LRP2: variants seen among roughly 807,000 people sequenced by gnomAD.
The protein encoded by LRP2 is LDL receptor related protein 2.
A neutral mutation model predicts 531.0 loss-of-function variants in LRP2; 172 were observed. The observed-to-expected ratio is 0.32, with a 90% confidence interval of 0.29 to 0.37. LRP2 has a LOEUF of 0.37. LRP2 is among the 10% of genes least tolerant of loss of function. The probability of loss-of-function intolerance (pLI) is 1.00; values close to 1 mark genes in which losing one functional copy is unlikely to be tolerated. For synonymous variants in LRP2, 1,992 were observed against 2,027.6 expected (o/e 0.98, Z 0.47); for missense variants, 5,167 against 5,868.3 (o/e 0.88, Z 3.90).
chr2:169,192,050 C>G lies in LRP2; in HGVS notation c.8831-17G>C. The G allele has an allele frequency of 6.2e-7, 1 of 1,604,262 alleles. No individual in the cohort carries two copies. Among genetic ancestry groups the G allele is most frequent in the Non-Finnish European group, 8.5e-7 (1 of 1,171,974 alleles). On this transcript the variant is annotated splice_polypyrimidine_tract_variant and intron_variant, in intron 47 of 78. Transcript: ENST00000649046. ...TTTGATTCTCTGAAACCAAAGCACG[C>G]AAGAATCAGAAAGCATGAGAGCTCA... is the stretch of plus-strand genomic sequence containing the variant.
intron 64 of LRP2, 89 bp downstream of exon 64, chr2:169,157,282 A>T: frequency 7.4e-7 from 1 of 1,349,504 alleles, no homozygotes; most frequent in Non-Finnish European, 1.0e-6. Flanking sequence ...TAAGGGAATT[A>T]AATAGTGATT....
chr2:169,206,327 T>A lies in LRP2; in HGVS notation c.7390+3A>T. 1 of 1,613,962 alleles carries A rather than the reference T, an allele frequency of 6.2e-7. No homozygotes were observed. The highest frequency in any genetic ancestry group is 8.5e-7 in the Non-Finnish European group (1 of 1,179,920). ...GGACAAGCAGCACCTGGAGTGCACTTACCTGAAGCAATGACAGTTGGAGTA... is the reference window on the plus strand; with the variant it reads ...GGACAAGCAGCACCTGGAGTGCACTAACCTGAAGCAATGACAGTTGGAGTA... On this transcript the variant is annotated splice_donor_region_variant and intron_variant, in intron 39 of 78. Transcript: ENST00000649046.
intron 36 of LRP2, among the ~76,000 whole-genome samples, chr2:169,212,924 A>T (rs754890622): frequency 4.3e-4 from 65 of 149,466 alleles, no homozygotes; most frequent in African/African-American, 1.3e-3. Flanking sequence ...ATGGAAAAAT[A>T]AAAAAAAAAG....
At chr2:169,215,795 A>G (rs1179936077) in intron 35 of LRP2, among the ~76,000 whole-genome samples, 1 of 148,120 alleles carries the variant, frequency 6.8e-6, no homozygotes, top group African/African-American at 2.5e-5. Flanking sequence ...GAATCTATAT[A>G]GATTCTATAT....
intron 1 of LRP2, among the ~76,000 whole-genome samples, chr2:169,337,040 G>A (rs376871345): frequency 6.6e-5 from 10 of 152,008 alleles, no homozygotes; most frequent in Admixed American, 1.3e-4. Flanking sequence ...TCCCACCTCC[G>A]CCTGACTTCC....
chr2:169,227,476 A>C (rs1689243415), intron 31 of LRP2, among the ~76,000 whole-genome samples: 1 of 152,230 alleles, frequency 6.6e-6, no homozygotes, highest in Non-Finnish European at 1.5e-5. Context: ...ATCCCCATCA[A>C]GAGTGGGGTT....
chr2:169,269,699 G>C (rs1559049341), intron 16 of LRP2, among the ~76,000 whole-genome samples: 1 of 152,138 alleles, frequency 6.6e-6, no homozygotes, highest in East Asian at 1.9e-4. Context: ...GTGTGGGCAA[G>C]GACTTCATGA....
At chr2:169,348,415 A>G (rs114543752) in intron 1 of LRP2, among the ~76,000 whole-genome samples, 14 of 152,214 alleles carry the variant, frequency 9.2e-5, no homozygotes, top group Non-Finnish European at 1.9e-4. Flanking sequence ...TTCATTCATC[A>G]GGAACAAGAC....
At chr2:169,326,311 C>T (rs1685057544) in intron 1 of LRP2, among the ~76,000 whole-genome samples, 1 of 151,438 alleles carries the variant, frequency 6.6e-6, no homozygotes, top group African/African-American at 2.4e-5. Context: ...ACTGCAACCT[C>T]CCTGCCTGAT....
chr2:169,351,075 C>A (rs1389365988), intron 1 of LRP2, among the ~76,000 whole-genome samples: 1 of 152,038 alleles, frequency 6.6e-6, no homozygotes, highest in Non-Finnish European at 1.5e-5. Context: ...AGAAAAGAAA[C>A]CAGGAGAAGG....
chr2:169,213,619 T>C, intron 36 of LRP2, 38 bp downstream of exon 36: 1 of 1,508,960 alleles, frequency 6.6e-7, no homozygotes, highest in Non-Finnish European at 9.2e-7. Flanking sequence ...GAATATGCAT[T>C]ATACACCCAT....
At chr2:169,157,773 A>G (rs1686387491) in intron 63 of LRP2, among the ~76,000 whole-genome samples, 1 of 152,000 alleles carries the variant, frequency 6.6e-6, no homozygotes, top group South Asian at 2.1e-4. Context: ...TCCTCAGAGC[A>G]TCCAATTCTG....
intron 1 of LRP2, among the ~76,000 whole-genome samples, chr2:169,355,327 T>C (rs1485529871): frequency 1.3e-5 from 2 of 152,192 alleles, no homozygotes; most frequent in African/African-American, 2.4e-5. Context: ...TTCAAGTGTG[T>C]CTTCACATAC....
chr2:169,138,025 C>T (rs1465846777), intron 75 of LRP2, among the ~76,000 whole-genome samples: 1 of 152,062 alleles, frequency 6.6e-6, no homozygotes, highest in Non-Finnish European at 1.5e-5. Flanking sequence ...TTCATTTGGT[C>T]CTCCCAGGAG....
intron 19 of LRP2, among the ~76,000 whole-genome samples, chr2:169,255,362 T>TTC (rs746704177): frequency 5.3e-5 from 8 of 152,168 alleles, no homozygotes; most frequent in Non-Finnish European, 1.0e-4. Flanking sequence ...CCAGGCTACA[T>TTC]TCTTATTCCC....
chr2:169,171,417 C>T (rs570702558), intron 58 of LRP2, among the ~76,000 whole-genome samples: 3 of 152,134 alleles, frequency 2.0e-5, no homozygotes, highest in Non-Finnish European at 4.4e-5. Context: ...ATGATCTCAG[C>T]CTCTTGGCTT....
In LRP2 at chr2:169,156,211, T is replaced by G. The variant is rs547714338; in HGVS notation, c.12151+63A>C. ...AGAAGCTGAAGTTTCTTTCATCGTA[T>G]AGTGTACTTAGCAGTATTTATTTCC... On this transcript the variant is annotated intron_variant, in intron 65 of 78. Coordinates refer to ENST00000649046, the MANE Select transcript of LRP2 (RefSeq NM_004525.3). The G allele has an allele frequency of 1.9e-3, 3,054 of 1,603,506 alleles. 7 individuals are homozygous for G. Among genetic ancestry groups the G allele is most frequent in the Non-Finnish European group, 2.4e-3 (2,818 of 1,170,838 alleles).
intron 4 of LRP2, among the ~76,000 whole-genome samples, chr2:169,298,193 AATCATCATCATCATCATCATC>A (rs3083159): frequency 4.7e-5 from 7 of 150,402 alleles, no homozygotes; most frequent in African/African-American, 1.7e-4. Context: ...TTAAACAAGC[AATCATCATCATCATCATCATC>A]ATCATCATCA....
At chr2:169,221,739 A>G (rs1274645239) in intron 33 of LRP2, among the ~76,000 whole-genome samples, 2 of 151,564 alleles carry the variant, frequency 1.3e-5, no homozygotes, top group Admixed American at 1.3e-4. Context: ...TCTTTTCTCT[A>G]AATTTTTTTC....
Sources: gnomAD v4.1 joint callset for allele counts (sites outside exome capture counted in the v4.1 genomes callset) on GRCh38, gnomAD v4.1.1 for gene constraint, MANE v1.5 for transcripts, NCBI Gene and HGNC (gene_info 2026-07-23, HGNC 2026-07-21) for gene names.